Variants in SLC4A4 observed in about 807,000 individuals in gnomAD.
SLC4A4 encodes electrogenic sodium bicarbonate cotransporter 1.
Under a neutral mutation model 111.5 loss-of-function variants are expected in SLC4A4, and 27 were observed. That is an observed-to-expected ratio of 0.24 (90% CI 0.18 to 0.33). SLC4A4 has a LOEUF of 0.33. SLC4A4 is among the 10% of genes least tolerant of loss of function. The pLI is 1.00. For synonymous variants in SLC4A4, 443 were observed against 463.4 expected (o/e 0.96, Z 0.57); for missense variants, 909 against 1,315.5 (o/e 0.69, Z 4.78).
chr4:71,491,845 A>G (rs180709199), intron 15 of SLC4A4, among the ~76,000 whole-genome samples: 2 of 152,016 alleles, frequency 1.3e-5, no homozygotes, highest in Admixed American at 6.6e-5. Context: ...TGATTAGCCT[A>G]TGGTAAAACT....
intron 24 of SLC4A4, among the ~76,000 whole-genome samples, chr4:71,565,104 C>T (rs1384323890): frequency 6.6e-6 from 1 of 151,704 alleles, no homozygotes; most frequent in Non-Finnish European, 1.5e-5. Context: ...GACTCAAGGG[C>T]CCCATTACAA....
chr4:71,217,516 T>C lies in SLC4A4; in HGVS notation c.-1-19060T>C, dbSNP rs140346955. Among the ~76,000 whole-genome samples the C allele has an allele frequency of 5.3e-3, 804 of 152,228 alleles. 4 individuals carry two copies. Among genetic ancestry groups the C allele is most frequent in the African/African-American group, 0.018 (734 of 41,530 alleles). ...AGGTGGAGATTGTCATGAGCTGAGATCGTGTCACTGCACTCCAGCCTGGGT... is the reference window on the plus strand; with the variant it reads ...AGGTGGAGATTGTCATGAGCTGAGACCGTGTCACTGCACTCCAGCCTGGGT... On this transcript the variant is annotated intron_variant, in intron 1 of 25. Transcript: ENST00000264485.
intron 1 of SLC4A4, among the ~76,000 whole-genome samples, chr4:71,195,364 C>T (rs1745947045): frequency 6.6e-6 from 1 of 150,448 alleles, no homozygotes; most frequent in Admixed American, 6.7e-5. Flanking sequence ...TAACATAAGT[C>T]AGTCTACATT....
upstream of SLC4A4, among the ~76,000 whole-genome samples, chr4:71,184,623 G>C (rs920192125): frequency 5.3e-5 from 8 of 152,022 alleles, no homozygotes; most frequent in African/African-American, 1.9e-4. Context: ...CATTCTTCTT[G>C]TCACCAAGCT....
chr4:71,111,773 T>C lies in SLC4A4; in HGVS notation c.-2+18981T>C, dbSNP rs548135371. On this transcript the variant is annotated intron_variant, in intron 2 of 26. Coordinates refer to the SLC4A4 transcript ENST00000649996. ...TGCAGTGGTGCTTTTTTTGGCTCAC[T>C]GCAACCTCTGCCTCCCAGGCTCAAG... Among the ~76,000 whole-genome samples the C allele has an allele frequency of 8.8e-4, 134 of 152,062 alleles. 6 individuals are homozygous for C. The South Asian group carries it at 0.027, about 31-fold the overall frequency.
intron 11 of SLC4A4, among the ~76,000 whole-genome samples, chr4:71,452,572 T>A (rs1725864987): frequency 6.6e-6 from 1 of 152,150 alleles, no homozygotes; most frequent in Non-Finnish European, 1.5e-5. Context: ...AGTGGAAATA[T>A]GAACTGTAAG....
At chr4:71,513,053 T>C (rs1377455387) in intron 16 of SLC4A4, among the ~76,000 whole-genome samples, 4 of 152,206 alleles carry the variant, frequency 2.6e-5, no homozygotes, top group African/African-American at 7.2e-5. Flanking sequence ...TATCTTGAAG[T>C]CAGATAATGT....
intron 1 of SLC4A4, among the ~76,000 whole-genome samples, chr4:71,213,802 A>G (rs371293454): frequency 3.3e-5 from 5 of 152,160 alleles, no homozygotes; most frequent in Non-Finnish European, 5.9e-5. Context: ...CTTTTTGGCC[A>G]TGGGAGGACA....
chr4:71,147,367 G>C (rs1744203821), intron 2 of SLC4A4, among the ~76,000 whole-genome samples: 1 of 151,798 alleles, frequency 6.6e-6, no homozygotes, highest in Admixed American at 6.6e-5. Flanking sequence ...ACCTCTGTCT[G>C]CCTTTTTCCC....
intron 16 of SLC4A4, among the ~76,000 whole-genome samples, chr4:71,505,959 A>G (rs942382050): frequency 2.0e-5 from 3 of 152,136 alleles, no homozygotes; most frequent in African/African-American, 2.4e-5. Context: ...TTATTTCACC[A>G]TTGTTTGTTT....
In SLC4A4 at chr4:71,255,368, T is replaced by A; in HGVS notation, c.222T>A (p.Asp74Glu). The A allele has an allele frequency of 6.2e-7, 1 of 1,613,588 alleles. No individual in the cohort carries two copies. The change falls in exon 3 of 26, where the codon GAT becomes GAA. Residue 74 changes from aspartate (D) to glutamate (E), a missense_variant. Asp to Glu is a conservative substitution (Grantham distance 45, BLOSUM62 2). Around this residue, in one of 7 missense-constraint regions of SLC4A4, gnomAD observed 117 missense variants for 154.2 expected, o/e 0.76. Transcript: ENST00000264485. The part of the protein sequence containing the change: ...YSDKSDIENA[D>E]ESSSSILKPL... ...ACAAATCAGATATTGAAAATGCTGATGAATCCAGCAGCAGCATCCTAAAAC... is the reference window on the plus strand; with the variant it reads ...ACAAATCAGATATTGAAAATGCTGAAGAATCCAGCAGCAGCATCCTAAAAC...
At chr4:71,194,120 T>C (rs1164330345) in intron 1 of SLC4A4, among the ~76,000 whole-genome samples, 1 of 152,220 alleles carries the variant, frequency 6.6e-6, no homozygotes, top group East Asian at 1.9e-4. Flanking sequence ...TTGGAAGGTA[T>C]GAATTGAACA....
At chr4:71,468,097 A>G (rs1727547305) in intron 13 of SLC4A4, among the ~76,000 whole-genome samples, 1 of 152,070 alleles carries the variant, frequency 6.6e-6, no homozygotes, top group Non-Finnish European at 1.5e-5. Flanking sequence ...TGAGAATGTA[A>G]AAAGTTCCAA....
chr4:71,536,737 G>A (rs377069548), intron 18 of SLC4A4, among the ~76,000 whole-genome samples: 3 of 150,382 alleles, frequency 2.0e-5, no homozygotes, highest in African/African-American at 7.3e-5. Context: ...CTCGTGATCC[G>A]CCCACCTTGG....
chr4:71,106,219 T>C (rs1474444834), intron 2 of SLC4A4, among the ~76,000 whole-genome samples: 1 of 149,258 alleles, frequency 6.7e-6, no homozygotes, highest in East Asian at 2.0e-4. Context: ...TAAACCACAA[T>C]GAGCTACCAT....
chr4:71,126,397 T>G (rs942346423), intron 2 of SLC4A4, among the ~76,000 whole-genome samples: 1 of 152,196 alleles, frequency 6.6e-6, no homozygotes, highest in African/African-American at 2.4e-5. Context: ...ATAAGAATGC[T>G]TGTTTCTTTT....
At chr4:71,258,992 C>T (rs1403790764) in intron 3 of SLC4A4, among the ~76,000 whole-genome samples, 2 of 152,094 alleles carry the variant, frequency 1.3e-5, no homozygotes, top group East Asian at 1.9e-4. Context: ...GAGCTGGCAC[C>T]GTGGCACATG....
chr4:71,309,515 G>A (rs561336234), intron 3 of SLC4A4, among the ~76,000 whole-genome samples: 78 of 152,278 alleles, frequency 5.1e-4, no homozygotes, highest in African/African-American at 1.5e-3. Context: ...TGCAGACTCC[G>A]CTGGTGATAC....
In SLC4A4 at chr4:71,130,940, T is replaced by A. The variant is rs530279578; in HGVS notation, c.-2+38148T>A. Among the ~76,000 whole-genome samples the A allele has an allele frequency of 3.3e-5, 5 of 152,292 alleles. No individual in the cohort carries two copies. In the South Asian group the frequency reaches 1.0e-3, roughly 32 times the overall value. On this transcript the variant is annotated intron_variant, in intron 2 of 26. Coordinates refer to the SLC4A4 transcript ENST00000649996. ...CATGGTGACAGCCTTTTCTTTCCAG[T>A]GACACAGTGGGAGGAAAGTTCTCCC...
Sources: gnomAD v4.1 joint callset for allele counts (sites outside exome capture counted in the v4.1 genomes callset) on GRCh38, gnomAD v4.1.1 for gene constraint, gnomAD v4.1.1 regional missense constraint, MANE v1.5 for transcripts, NCBI Gene and HGNC (gene_info 2026-07-23, HGNC 2026-07-21) for gene names.